Variants in SEC23IP observed in about 807,000 individuals in gnomAD.
The protein encoded by SEC23IP is SEC23 interacting protein.
A neutral mutation model predicts 113.4 loss-of-function variants in SEC23IP; 70 were observed. The ratio of observed to expected loss-of-function variants is 0.62; its 90% CI spans 0.51 to 0.75. The LOEUF (loss-of-function observed/expected upper bound fraction) is 0.75. SEC23IP is among the 30% of genes least tolerant of loss of function. The probability of loss-of-function intolerance (pLI) is 0.00; values close to 1 mark genes in which losing one functional copy is unlikely to be tolerated. For missense variants in SEC23IP, 1,160 were observed against 1,204.9 expected (o/e 0.96, Z 0.55); for synonymous variants, 398 against 421.0 (o/e 0.95, Z 0.67).
At chr10:119,907,993 C>T (rs983135595) in intron 4 of SEC23IP, among the ~76,000 whole-genome samples, 21 of 152,104 alleles carry the variant, frequency 1.4e-4, no homozygotes, top group African/African-American at 4.8e-4. Flanking sequence ...CTATTGATAT[C>T]ACATCTACAT....
chr10:119,893,272 G>C (rs1024411255), intron 1 of SEC23IP, among the ~76,000 whole-genome samples: 1 of 152,064 alleles, frequency 6.6e-6, no homozygotes, highest in South Asian at 2.1e-4. Flanking sequence ...TTAAACAGTG[G>C]CCCTCTCCTA....
At position 119,898,947 on chromosome 10, in the gene SEC23IP, A is replaced by T; in HGVS notation, c.684A>T (p.Gly228=). 6.3e-7 allele frequency: 1 copy of T among 1,586,348 alleles called. No homozygotes were observed. The highest frequency in any genetic ancestry group is 8.5e-7 in the Non-Finnish European group (1 of 1,172,292). The part of the protein sequence containing the change: ...PPVQMYQMPP[G]SLPPVPSSVQ... ...TTCAGATGTACCAGATGCCTCCAGG[A>T]TCTTTGCCACCGGTATGGAGACATG... The change falls in exon 2 of 19, where the codon GGA becomes GGT. Residue 228 remains glycine, a synonymous_variant. Transcript: ENST00000369075.
chr10:119,921,026 TG>T, intron 12 of SEC23IP, 42 bp downstream of exon 12: 1 of 1,370,970 alleles, frequency 7.3e-7, no homozygotes, highest in Non-Finnish European at 1.0e-6. Flanking sequence ...AAACTCATGG[TG>T]TGACCAGCTC....
chr10:119,917,868 G>T lies in SEC23IP; in HGVS notation c.1577G>T (p.Gly526Val), dbSNP rs757541400. ...NIKKITLPSIGRFRHFTNETL... is the reference protein window; with the variant it reads ...NIKKITLPSIVRFRHFTNETL... Reference sequence around the variant, plus strand: ...AAGAAAATCACTTTGCCAAGTATTGGTCGATTTCGTCACTTTACCAATGAA... The same window carrying T: ...AAGAAAATCACTTTGCCAAGTATTGTTCGATTTCGTCACTTTACCAATGAA... Residue 526 changes from glycine to valine, a missense_variant, in exon 9 of 19, where the codon GGT (glycine) becomes GTT (valine). Gly to Val is a moderately radical substitution (Grantham distance 109). Transcript: ENST00000369075. 6 of 1,613,882 alleles carry T rather than the reference G, an allele frequency of 3.7e-6. No individual in the cohort carries two copies. The Admixed American group carries it at 5.0e-5, about 13-fold the overall frequency.
At position 119,898,862 on chromosome 10, in the gene SEC23IP, A is replaced by C; in HGVS notation, c.599A>C (p.Gln200Pro). The change falls in exon 2 of 19, where the codon CAG becomes CCG. Residue 200 changes from glutamine (Q) to proline (P), a missense_variant. Coordinates refer to ENST00000369075, the MANE Select transcript of SEC23IP (RefSeq NM_007190.4). The part of the protein sequence containing the change: ...SRANPYIAPP[Q>P]LQQCQTPGPP... ...GCTAATCCTTACATTGCACCACCCC[A>C]GCTGCAGCAGTGCCAAACACCAGGC... 6.2e-7 allele frequency: 1 copy of C among 1,610,846 alleles called. No homozygotes were observed. The highest frequency in any genetic ancestry group is 8.5e-7 in the Non-Finnish European group (1 of 1,179,986).
intron 13 of SEC23IP, among the ~76,000 whole-genome samples, chr10:119,926,465 G>A (rs1006433260): frequency 2.0e-5 from 3 of 152,064 alleles, no homozygotes; most frequent in East Asian, 3.8e-4. Context: ...TTTTCCCACC[G>A]CTCATACTTT....
Position 119,912,113 on chromosome 10 carries a change from C to G in SEC23IP, c.1261C>G (p.Pro421Ala). ...WGTTQDGQTR[P>A]RVVKRGIDDN... Reference sequence around the variant, plus strand: ...CACCACGCAAGATGGACAGACAAGGCCCAGGGTTGTAAAGCGTGGAATTGA... The same window carrying G: ...CACCACGCAAGATGGACAGACAAGGGCCAGGGTTGTAAAGCGTGGAATTGA... The change falls in exon 6 of 19, where the codon CCC (proline) becomes GCC (alanine). Residue 421 changes from proline to alanine, a missense_variant. Pro to Ala is a conservative substitution (Grantham distance 27, BLOSUM62 -1). Coordinates refer to ENST00000369075, the MANE Select transcript of SEC23IP (RefSeq NM_007190.4). 1 of 1,614,084 alleles carries G rather than the reference C, an allele frequency of 6.2e-7. No homozygotes were observed. Among genetic ancestry groups the G allele is most frequent in the South Asian group, 1.1e-5 (1 of 91,074 alleles).
chr10:119,922,869 T>C (rs1024456136), intron 12 of SEC23IP, among the ~76,000 whole-genome samples: 8 of 152,152 alleles, frequency 5.3e-5, no homozygotes, highest in Non-Finnish European at 5.9e-5. Flanking sequence ...CCCCAGGCTT[T>C]TGTCTCTGAT....
intron 5 of SEC23IP, among the ~76,000 whole-genome samples, chr10:119,910,282 A>G (rs184255737): frequency 6.6e-6 from 1 of 151,742 alleles, no homozygotes; most frequent in Non-Finnish European, 1.5e-5. Context: ...CGTCTCTATG[A>G]GTTTATCTTG....
chr10:119,940,983 T>A lies in SEC23IP; in HGVS notation c.*418T>A, dbSNP rs1398903600. The A allele has an allele frequency of 1.3e-5, 2 of 152,228 alleles. No homozygotes were observed. Among genetic ancestry groups the A allele is most frequent in the African/African-American group, 4.8e-5 (2 of 41,460 alleles). The allele number at this position is 152,228 out of a possible 1,614,324, so 9.4% of individuals were successfully genotyped here. A position where few individuals can be genotyped will look rare whatever the true frequency, so the allele number is the denominator to read the frequency against. On this transcript the variant is annotated 3_prime_UTR_variant, in exon 19 of 19. Coordinates refer to ENST00000369075, the MANE Select transcript of SEC23IP (RefSeq NM_007190.4). ...TTTTTCTTTTTATTAATGCAGTATG[T>A]TCTTTTTATTCAAGTATGAACTTGT...
intron 3 of SEC23IP, among the ~76,000 whole-genome samples, chr10:119,903,320 C>A (rs1365964807): frequency 6.6e-6 from 1 of 152,160 alleles, no homozygotes; most frequent in Non-Finnish European, 1.5e-5. Context: ...TTATAAAGGG[C>A]ATTCTGTGGA....
rs535123482 is a variant in SEC23IP, at chr10:119,944,591, C to G, written c.*4026C>G. The G allele has an allele frequency of 6.6e-6, 1 of 152,138 alleles. No individual in the cohort carries two copies. The highest frequency in any genetic ancestry group is 1.5e-5 in the Non-Finnish European group (1 of 68,042). 9.4% of individuals were successfully genotyped at this position (152,138 alleles called of 1,614,324 possible). A position where few individuals can be genotyped will look rare whatever the true frequency, so the allele number is the denominator to read the frequency against. The stretch of plus-strand genomic sequence containing the variant: ...ACTGAAGAAATTATGTTGTTAAGCA[C>G]GAAATGCAGAGAGAGAGCTATGTGA... On this transcript the variant is annotated 3_prime_UTR_variant, in exon 19 of 19. Transcript: ENST00000369075.
intron 13 of SEC23IP, among the ~76,000 whole-genome samples, chr10:119,928,756 C>T (rs1855497782): frequency 1.3e-5 from 2 of 152,226 alleles, no homozygotes; most frequent in South Asian, 4.1e-4. Context: ...ATTCAGATGA[C>T]AGTGCTTTCT....
chr10:119,917,201 C>CT (rs1855079205), intron 8 of SEC23IP, among the ~76,000 whole-genome samples: 1 of 151,276 alleles, frequency 6.6e-6, no homozygotes, highest in Non-Finnish European at 1.5e-5. Context: ...TTTATTTATA[C>CT]TTTTAATTTT....
At chr10:119,933,493 A>G (rs1855674739) in intron 17 of SEC23IP, among the ~76,000 whole-genome samples, 193 bp from the exon 18 acceptor site, 1 of 152,196 alleles carries the variant, frequency 6.6e-6, no homozygotes, top group Non-Finnish European at 1.5e-5. Context: ...TTTGGAGCTA[A>G]TCAGTATTCA....
chr10:119,943,909 G>A lies in SEC23IP; in HGVS notation c.*3344G>A, dbSNP rs1397808701. The A allele has an allele frequency of 6.6e-6, 1 of 152,264 alleles. No homozygotes were observed. The highest frequency in any genetic ancestry group is 1.5e-5 in the Non-Finnish European group (1 of 68,052). 9.4% of individuals were successfully genotyped at this position (152,264 alleles called of 1,614,324 possible). On this transcript the variant is annotated 3_prime_UTR_variant, in exon 19 of 19. Transcript: ENST00000369075. Reference sequence around the variant, plus strand: ...TTCATGGACAGGTGGGACTGGTGTGGTTGGGATAACCCACCATGTTTGTCT... The same window carrying A: ...TTCATGGACAGGTGGGACTGGTGTGATTGGGATAACCCACCATGTTTGTCT...
chr10:119,926,240 A>G lies in SEC23IP; in HGVS notation c.2313+13A>G, dbSNP rs751817411. Reference sequence around the variant, plus strand: ...TGGCGCCGGACAGGTGAGTTTACATATTGACTGGGGCTACATAGTTCATGT... The same window carrying G: ...TGGCGCCGGACAGGTGAGTTTACATGTTGACTGGGGCTACATAGTTCATGT... On this transcript the variant is annotated intron_variant, in intron 13 of 18. Coordinates refer to ENST00000369075, the MANE Select transcript of SEC23IP (RefSeq NM_007190.4). 3.1e-6 allele frequency: 5 copies of G among 1,611,932 alleles called. No individual in the cohort carries two copies. The South Asian group carries it at 3.3e-5, about 11-fold the overall frequency.
Position 119,929,727 on chromosome 10 carries a change from C to T in SEC23IP, c.2434C>T (p.Pro812Ser). The change falls in exon 14 of 19, where the codon CCT (proline) becomes TCT (serine). Residue 812 changes from proline (P) to serine (S), a missense_variant. By Grantham distance (74) the Pro-to-Ser change is moderately conservative. Transcript: ENST00000369075. ...TAGGATAGATGAGAATTACAGCCTT[C>T]CTACCTGTAAAGGGTTCTTCAATAT... Reference protein sequence around the residue: ...VDRIDENYSLPTCKGFFNIYH... With the variant: ...VDRIDENYSLSTCKGFFNIYH... 5 of 1,601,452 alleles carry T rather than the reference C, an allele frequency of 3.1e-6. No individual in the cohort carries two copies. Among genetic ancestry groups the T allele is most frequent in the Non-Finnish European group, 4.3e-6 (5 of 1,168,554 alleles).
chr10:119,901,949 A>G (rs1250554521), intron 2 of SEC23IP, among the ~76,000 whole-genome samples: 1 of 152,136 alleles, frequency 6.6e-6, no homozygotes, highest in Non-Finnish European at 1.5e-5. Flanking sequence ...AGCCTCCCAA[A>G]GTGGCAGGAT....
Sources: gnomAD v4.1 joint callset for allele counts (sites outside exome capture counted in the v4.1 genomes callset) on GRCh38, gnomAD v4.1.1 for gene constraint, MANE v1.5 for transcripts, NCBI Gene and HGNC (gene_info 2026-07-23, HGNC 2026-07-21) for gene names.